The following FBN2 variants were observed in gnomAD, a reference collection of about 807,000 sequenced individuals.
FBN2 encodes the protein fibrillin 2.
A neutral mutation model predicts 355.6 loss-of-function variants in FBN2; 105 were observed. The ratio of observed to expected loss-of-function variants is 0.30; its 90% CI spans 0.25 to 0.35. The LOEUF (loss-of-function observed/expected upper bound fraction) is 0.35. FBN2 is among the 10% of genes least tolerant of loss of function. The pLI, the probability that FBN2 is intolerant of heterozygous loss-of-function variation, is 1.00. For synonymous variants in FBN2, 1,350 were observed against 1,301.2 expected, an observed-to-expected ratio of 1.04 and a Z score of -0.81; for missense variants, 3,280 against 3,758.7, an observed-to-expected ratio of 0.87 and a Z score of 3.33.
intron 56 of FBN2, among the ~76,000 whole-genome samples, 165 bp from the exon 57 acceptor site, chr5:128,279,006 C>T (rs1765466858): frequency 6.6e-6 from 1 of 152,148 alleles, no homozygotes; most frequent in Non-Finnish European, 1.5e-5. Flanking sequence ...ATAGCATATT[C>T]TTTCACTACA....
At chr5:128,333,137 C>T (rs999359890) in intron 31 of FBN2, 103 bp from the exon 32 acceptor site, 15 of 1,033,624 alleles carry the variant, frequency 1.5e-5, no homozygotes, top group Non-Finnish European at 2.2e-5. Flanking sequence ...AAAGATGCAA[C>T]CGTATGGAGA....
chr5:128,406,487 T>G (rs1752930782), intron 8 of FBN2, among the ~76,000 whole-genome samples: 1 of 152,218 alleles, frequency 6.6e-6, no homozygotes, highest in Admixed American at 6.5e-5. Context: ...AAGAAGTACT[T>G]TATGGCTTCT....
intron 7 of FBN2, among the ~76,000 whole-genome samples, chr5:128,439,456 G>C (rs1238278798): frequency 6.6e-6 from 1 of 152,046 alleles, no homozygotes; most frequent in Non-Finnish European, 1.5e-5. Flanking sequence ...GTGTCTCACA[G>C]TTTTATATTA....
Position 128,369,211 on chromosome 5 carries a change from G to A in FBN2, c.2219C>T (p.Pro740Leu), listed in dbSNP as rs1204171410. 2 of 1,614,124 alleles carry A rather than the reference G, an allele frequency of 1.2e-6. No homozygotes were observed. Among genetic ancestry groups the A allele is most frequent in the Non-Finnish European group, 1.7e-6 (2 of 1,180,026 alleles). ...ATTTTTTGCAGGGCATGGCTGGCAG[G>A]GTTCTCCAAAACCATAGTCTGGATT... ...CANPDYGFGE[P>L]CQPCPAKNSA... The change falls in exon 16 of 65, where the codon CCC becomes CTC. Residue 740 changes from proline (P) to leucine (L), a missense_variant. This residue lies in a region of FBN2 where 2,284 missense variants were observed against 2,749.5 expected (regional missense o/e 0.83). Transcript: ENST00000262464.
chr5:128,321,003 CCA>C (rs530355012), intron 34 of FBN2, among the ~76,000 whole-genome samples: 5 of 152,146 alleles, frequency 3.3e-5, no homozygotes, highest in African/African-American at 9.6e-5. Flanking sequence ...ACCATAATTT[CCA>C]CAGTGTTTAG....
chr5:128,533,659 T>G (rs1039770855), intron 2 of FBN2, among the ~76,000 whole-genome samples: 1 of 152,178 alleles, frequency 6.6e-6, no homozygotes. Context: ...ACAGCCTTTC[T>G]GGGTTCAGTG....
intron 17 of FBN2, chr5:128,365,081 TA>T (rs1035214373): frequency 1.4e-5 from 3 of 210,334 alleles, no homozygotes; most frequent in African/African-American, 7.1e-5. Context: ...ATCATCTAAC[TA>T]AAAGACAGAT....
intron 7 of FBN2, among the ~76,000 whole-genome samples, chr5:128,409,248 T>A (rs1180867937): frequency 6.6e-6 from 1 of 152,206 alleles, no homozygotes; most frequent in Non-Finnish European, 1.5e-5. Flanking sequence ...AACTTTTTTT[T>A]AAACTTGGCT....
At chr5:128,436,635 G>A (rs1182605406) in intron 7 of FBN2, among the ~76,000 whole-genome samples, 12 of 149,010 alleles carry the variant, frequency 8.1e-5, no homozygotes, top group African/African-American at 3.0e-4. Context: ...AGTCAAAAAA[G>A]GCTTTGATTC....
rs756084999 is a variant in FBN2, at chr5:128,312,728, G to A, written c.4785C>T (p.Thr1595=). ...AGCGACTGACGCCCACCCCGATCTC[G>A]GTGTTGCAAGACAGACTCCCATCTC... ...PRGDGSLSCN[T]EIGVGVSRSS... is the part of the protein sequence containing the mutation. Residue 1595 remains threonine, a synonymous_variant, in exon 37 of 65, where the codon ACC becomes ACT. Coordinates refer to ENST00000262464, the MANE Select transcript of FBN2 (RefSeq NM_001999.4). 6.2e-6 allele frequency: 10 copies of A among 1,613,886 alleles called. No individual in the cohort carries two copies. The East Asian group carries it at 1.1e-4, about 18-fold the overall frequency.
chr5:128,452,679 A>C (rs2127066779), intron 6 of FBN2, among the ~76,000 whole-genome samples: 1 of 152,316 alleles, frequency 6.6e-6, no homozygotes, highest in East Asian at 1.9e-4. Context: ...TCTTGTTACC[A>C]AATTAGATCC....
chr5:128,537,956 T>A lies in FBN2; in HGVS notation c.-353A>T. 2.9e-6 allele frequency: 1 copy of A among 340,692 alleles called. No homozygotes were observed. 21.1% of individuals were successfully genotyped at this position (340,692 alleles called of 1,614,324 possible). A position where few individuals can be genotyped will look rare whatever the true frequency, so the allele number is the denominator to read the frequency against. On this transcript the variant is annotated 5_prime_UTR_variant, in exon 1 of 65. Coordinates refer to ENST00000262464, the MANE Select transcript of FBN2 (RefSeq NM_001999.4). ...ATTACAAAAGCCCTGGCGTAAAATT[T>A]CAAAAAATGTGAACCTCAAAAGAAA...
rs39937 is a variant in FBN2 at position 128,288,936 on chromosome 5, T to G, written c.6637+191A>C. On this transcript the variant is annotated intron_variant, in intron 52 of 64. Coordinates refer to ENST00000262464, the MANE Select transcript of FBN2 (RefSeq NM_001999.4). ...TATGTTTGGTTGAAGACAGAGGTTG[T>G]TAACTCTCTCCATCTTCACATAAAT... Among the ~76,000 whole-genome samples the G allele has an allele frequency of 0.12, 17,717 of 152,218 alleles. 2,065 individuals are homozygous for G. The highest frequency in any genetic ancestry group is 0.6 in the East Asian group (3,094 of 5,152).
intron 48 of FBN2, 76 bp from the exon 49 acceptor site, chr5:128,291,730 T>G: frequency 7.8e-7 from 1 of 1,283,376 alleles, no homozygotes; most frequent in Non-Finnish European, 1.1e-6. Context: ...CACTGTCCAC[T>G]AGCCAGCTGA....
At chr5:128,381,523 T>C (rs773613349) in intron 11 of FBN2, among the ~76,000 whole-genome samples, 10 of 152,150 alleles carry the variant, frequency 6.6e-5, no homozygotes, top group Non-Finnish European at 8.8e-5. Context: ...CTCTTCACTT[T>C]TTCTGATGTG....
intron 5 of FBN2, 133 bp from the exon 6 acceptor site, chr5:128,465,054 C>A: frequency 1.1e-6 from 1 of 888,014 alleles, no homozygotes; most frequent in Non-Finnish European, 1.8e-6. Context: ...TAGAGAGTTT[C>A]ATGTTAAAAA....
intron 7 of FBN2, among the ~76,000 whole-genome samples, chr5:128,439,423 T>G (rs552577006): frequency 6.6e-6 from 1 of 152,282 alleles, no homozygotes; most frequent in South Asian, 2.1e-4. Context: ...TTTTATTTTA[T>G]CAACATTTAG....
chr5:128,421,182 T>A (rs960860130), intron 7 of FBN2, among the ~76,000 whole-genome samples: 11 of 152,144 alleles, frequency 7.2e-5, no homozygotes, highest in African/African-American at 2.2e-4. Flanking sequence ...TTTTCAGTAA[T>A]CTGTCCTTGC....
chr5:128,462,269 T>TA (rs1157008378), intron 6 of FBN2, among the ~76,000 whole-genome samples: 4 of 152,226 alleles, frequency 2.6e-5, no homozygotes, highest in Non-Finnish European at 4.4e-5. Flanking sequence ...ACTGTTTTTT[T>TA]AATGACATAT....
Sources: allele counts gnomAD v4.1 joint callset (sites outside exome capture counted in the v4.1 genomes callset), GRCh38; gene constraint gnomAD v4.1.1; regional missense constraint gnomAD v4.1.1; transcripts MANE v1.5; gene names NCBI Gene and HGNC (gene_info 2026-07-23, HGNC 2026-07-21).